The following U2SURP variants were observed in gnomAD, a reference collection of about 807,000 sequenced individuals.
The protein encoded by U2SURP is U2 snRNP associated SURP domain containing, also known as U2 snRNP-associated SURP motif-containing protein.
Under a neutral mutation model 144.9 loss-of-function variants are expected in U2SURP, and 9 were observed. That is an observed-to-expected ratio of 0.06 (90% CI 0.04 to 0.11). U2SURP has a LOEUF of 0.11. Among genes scored for constraint, U2SURP ranks in the 10% least tolerant of loss-of-function variants. The pLI is 1.00. For missense variants in U2SURP, 724 were observed against 1,226.7 expected (o/e 0.59, Z 6.12); for synonymous variants, 408 against 396.8 (o/e 1.03, Z -0.33).
In U2SURP at chr3:143,012,242, AGATAGT is replaced by A; in HGVS notation, c.116_121del (p.Ser39_Asp40del). ...TGAAGATGGATGCATCTGGACCCTC[AGATAGT>A]GATATGCCAAGTCGGACACGACCTA... On this transcript the variant is annotated inframe_deletion, in exon 3 of 28. Transcript: ENST00000473835. The A allele has an allele frequency of 6.2e-7, 1 of 1,612,950 alleles. No homozygotes were observed. Among genetic ancestry groups the A allele is most frequent in the East Asian group, 2.2e-5 (1 of 44,844 alleles).
intron 26 of U2SURP, 49 bp downstream of exon 26, chr3:143,053,843 A>G: frequency 1.4e-6 from 2 of 1,429,628 alleles, no homozygotes; most frequent in Non-Finnish European, 1.9e-6. Flanking sequence ...CAAGATTTGC[A>G]GTGGTGTTTT....
chr3:143,009,586 A>T (rs1280218936), intron 1 of U2SURP, among the ~76,000 whole-genome samples: 3 of 151,774 alleles, frequency 2.0e-5, no homozygotes, highest in Non-Finnish European at 2.9e-5. Context: ...AGACAGAGTA[A>T]GACTCTGTCT....
intron 22 of U2SURP, 69 bp downstream of exon 22, chr3:143,038,272 A>T: frequency 8.4e-7 from 1 of 1,186,176 alleles, no homozygotes; most frequent in Non-Finnish European, 1.2e-6. Flanking sequence ...GTGCTTGTAT[A>T]TATGTTTTCC....
At chr3:143,004,526 A>G (rs563544063) in intron 1 of U2SURP, among the ~76,000 whole-genome samples, 2 of 102,300 alleles carry the variant, frequency 2.0e-5, no homozygotes, top group African/African-American at 8.0e-5. Context: ...CAATTTTTGT[A>G]TTTTTAGTAG....
In U2SURP at chr3:143,060,293, T is replaced by G. The variant is rs1935321446; in HGVS notation, c.*3843T>G. 1 of 152,244 alleles carries G rather than the reference T, an allele frequency of 6.6e-6. No individual in the cohort carries two copies. The highest frequency in any genetic ancestry group is 1.5e-5 in the Non-Finnish European group (1 of 67,888). The allele number at this position is 152,244 out of a possible 1,614,324, so 9.4% of individuals were successfully genotyped here. On this transcript the variant is annotated 3_prime_UTR_variant, in exon 28 of 28. Coordinates refer to ENST00000473835, the MANE Select transcript of U2SURP (RefSeq NM_001080415.2). ...ATCAGGAAAGACAGTTTGTCAGAAA[T>G]GAGAATAATATAGTTGAAATCAGTT...
In U2SURP at chr3:143,028,490, C is replaced by T; in HGVS notation, c.1454C>T (p.Ser485Phe). 1.3e-6 allele frequency: 2 copies of T among 1,595,068 alleles called. No individual in the cohort carries two copies. Among genetic ancestry groups the T allele is most frequent in the Non-Finnish European group, 1.7e-6 (2 of 1,174,702 alleles). Residue 485 changes from serine (S) to phenylalanine (F), a missense_variant, in exon 16 of 28, where the codon TCT (serine) becomes TTT (phenylalanine). By Grantham distance (155) the Ser-to-Phe change is radical. Around this residue, in one of 13 missense-constraint regions of U2SURP, gnomAD observed 66 missense variants for 95.0 expected, o/e 0.69. Coordinates refer to ENST00000473835, the MANE Select transcript of U2SURP (RefSeq NM_001080415.2). ...ACTCTAAATGTTTGTTAGGGAGATT[C>T]TCCAACTAAATGGCGGACGGAAGAT... ...WKLYSILQGD[S>F]PTKWRTEDFR...
rs368598468 is a variant in U2SURP at position 143,020,050 on chromosome 3, T to C, written c.638+14T>C. On this transcript the variant is annotated intron_variant, in intron 7 of 27. Coordinates refer to ENST00000473835, the MANE Select transcript of U2SURP (RefSeq NM_001080415.2). ...AGAATTAAAGCAGTAAGTTTTATAG[T>C]GTGGAGAATAACTATCATAGGTGTA... The C allele has an allele frequency of 4.1e-6, 6 of 1,449,450 alleles. No individual in the cohort carries two copies. Among genetic ancestry groups the C allele is most frequent in the East Asian group, 2.5e-5 (1 of 39,426 alleles). The allele number at this position is 1,449,450 out of a possible 1,614,324, so 89.8% of individuals were successfully genotyped here.
rs1221264215 is a variant in U2SURP, at chr3:143,022,791, G to GA, written c.1019-57dup. 6.1e-6 allele frequency: 9 copies of GA among 1,467,022 alleles called. No individual in the cohort carries two copies. The Admixed American group carries it at 8.2e-5, about 13-fold the overall frequency. The allele number at this position is 1,467,022 out of a possible 1,614,324, so 90.9% of individuals were successfully genotyped here. A position where few individuals can be genotyped will look rare whatever the true frequency, so the allele number is the denominator to read the frequency against. ...AAATGAAAATTATTTCAACTCACCA[G>GA]AAAAATTTTGTTTGGAAACTTTTGA... On this transcript the variant is annotated intron_variant, in intron 11 of 27. Coordinates refer to ENST00000473835, the MANE Select transcript of U2SURP (RefSeq NM_001080415.2).
intron 9 of U2SURP, 27 bp downstream of exon 9, chr3:143,021,412 C>A: frequency 6.2e-7 from 1 of 1,606,404 alleles, no homozygotes; most frequent in Non-Finnish European, 8.5e-7. Context: ...CTCTTTTAAT[C>A]GATAAATTTT....
At chr3:143,020,238 G>A (rs567041003) in intron 7 of U2SURP, among the ~76,000 whole-genome samples, 12 of 152,278 alleles carry the variant, frequency 7.9e-5, no homozygotes, top group East Asian at 7.7e-4. Context: ...CTTGCATTAC[G>A]AGGATTCAGT....
At chr3:143,031,323 A>G (rs1473673735) in intron 16 of U2SURP, among the ~76,000 whole-genome samples, 1 of 146,982 alleles carries the variant, frequency 6.8e-6, no homozygotes, top group East Asian at 1.9e-4. Context: ...ACAACAACTC[A>G]TGCTGCAGAG....
rs756540028 is a variant in U2SURP, at chr3:143,028,542, T to C, written c.1506T>C (p.Phe502=). 4 of 1,591,612 alleles carry C rather than the reference T, an allele frequency of 2.5e-6. No homozygotes were observed. The highest frequency in any genetic ancestry group is 3.4e-6 in the Non-Finnish European group (4 of 1,174,236). The change falls in exon 16 of 28, where the codon TTT becomes TTC. Residue 502 remains phenylalanine, a synonymous_variant. Coordinates refer to ENST00000473835, the MANE Select transcript of U2SURP (RefSeq NM_001080415.2). ...EDFRMFKNGS[F]WRPPPLNPYL... ...TTCGTATGTTCAAAAATGGATCTTT[T>C]TGGAGGCCACCACCATTAAATCCGT...
intron 6 of U2SURP, among the ~76,000 whole-genome samples, chr3:143,019,163 AT>A (rs1198344722): frequency 2.0e-5 from 3 of 152,062 alleles, no homozygotes; most frequent in African/African-American, 7.2e-5. Flanking sequence ...TCGTAAGAGT[AT>A]TTTACATCTT....
In U2SURP at chr3:143,056,503, T is replaced by G; in HGVS notation, c.*53T>G. 6.3e-7 allele frequency: 1 copy of G among 1,578,116 alleles called. No individual in the cohort carries two copies. The highest frequency in any genetic ancestry group is 8.6e-7 in the Non-Finnish European group (1 of 1,165,674). Reference sequence around the variant, plus strand: ...TTGGAAATGCGATTTGTTTTGTGCCTGAACGGTCTGTTTTTTAAAAAAACA... The same window carrying G: ...TTGGAAATGCGATTTGTTTTGTGCCGGAACGGTCTGTTTTTTAAAAAAACA... On this transcript the variant is annotated 3_prime_UTR_variant, in exon 28 of 28. Coordinates refer to ENST00000473835, the MANE Select transcript of U2SURP (RefSeq NM_001080415.2).
chr3:143,056,557 G>GT lies in U2SURP; in HGVS notation c.*113dup, dbSNP rs973935365. The GT allele has an allele frequency of 1.0e-4, 142 of 1,415,662 alleles. No individual in the cohort carries two copies. The African/African-American group carries it at 1.9e-3, about 19-fold the overall frequency. The allele number at this position is 1,415,662 out of a possible 1,614,324, so 87.7% of individuals were successfully genotyped here. ...AATCAAATGAAAGAGCATTCCTGGG[G>GT]TTTTTTGTTTGTTTGTGTATGCATG... On this transcript the variant is annotated 3_prime_UTR_variant, in exon 28 of 28. Coordinates refer to ENST00000473835, the MANE Select transcript of U2SURP (RefSeq NM_001080415.2).
rs1935313760 is a variant in U2SURP at position 143,060,115 on chromosome 3, A to G, written c.*3665A>G. On this transcript the variant is annotated 3_prime_UTR_variant, in exon 28 of 28. Coordinates refer to ENST00000473835, the MANE Select transcript of U2SURP (RefSeq NM_001080415.2). ...ACCACCTCATGGAGCTTCAATGTAA[A>G]TGGATTATATGTATAATTGGTAATT... The G allele has an allele frequency of 6.6e-6, 1 of 152,432 alleles. No homozygotes were observed. Among genetic ancestry groups the G allele is most frequent in the Non-Finnish European group, 1.5e-5 (1 of 67,896 alleles). The allele number at this position is 152,432 out of a possible 1,614,324, so 9.4% of individuals were successfully genotyped here.
chr3:143,047,087 G>T (rs1934526729), intron 24 of U2SURP, among the ~76,000 whole-genome samples: 1 of 117,136 alleles, frequency 8.5e-6, no homozygotes, highest in Non-Finnish European at 1.7e-5. Flanking sequence ...CGGCTGGCCG[G>T]GCAGAGGGGC....
At chr3:143,029,919 AT>A (rs1415259150) in intron 16 of U2SURP, among the ~76,000 whole-genome samples, 1 of 152,232 alleles carries the variant, frequency 6.6e-6, no homozygotes, top group Non-Finnish European at 1.5e-5. Flanking sequence ...GCACTCCCTT[AT>A]GCCAAAGCCT....
chr3:143,044,008 C>G (rs930425994), intron 24 of U2SURP, among the ~76,000 whole-genome samples: 1 of 152,054 alleles, frequency 6.6e-6, no homozygotes, highest in Admixed American at 6.5e-5. Context: ...CCACCTCGGC[C>G]TCCCAAAGTG....
Sources: gnomAD v4.1 joint callset for allele counts (sites outside exome capture counted in the v4.1 genomes callset) on GRCh38, gnomAD v4.1.1 for gene constraint, gnomAD v4.1.1 regional missense constraint, MANE v1.5 for transcripts, NCBI Gene and HGNC (gene_info 2026-07-23, HGNC 2026-07-21) for gene names.